ASPH: variants seen among roughly 807,000 people sequenced by gnomAD.
ASPH encodes the protein aspartate beta-hydroxylase.
Under a neutral mutation model 118.4 loss-of-function variants are expected in ASPH, and 100 were observed. That is an observed-to-expected ratio of 0.84 (90% confidence interval 0.72 to 1.00). The LOEUF (loss-of-function observed/expected upper bound fraction) is 1.00. Among genes scored for constraint, ASPH ranks in the 50% least tolerant of loss-of-function variants. ASPH has a pLI of 0.00. For synonymous variants in ASPH, 315 were observed against 325.6 expected, an observed-to-expected ratio of 0.97 and a Z score of 0.35; for missense variants, 920 against 919.5, an observed-to-expected ratio of 1.00 and a Z score of -0.01.
At chr8:61,659,827 G>A (rs1163284211) in intron 3 of ASPH, 1 of 152,150 alleles carries the variant, frequency 6.6e-6, no homozygotes, top group Non-Finnish European at 1.5e-5. Context: ...AAAATGGAGA[G>A]AGCTTAACAA....
chr8:61,578,362 G>A, intron 15 of ASPH: 3 of 1,606,916 alleles, frequency 1.9e-6, no homozygotes, highest in Non-Finnish European at 2.6e-6. Flanking sequence ...AGCTTTCGGG[G>A]TGGCCTGGGA....
chr8:61,666,686 T>G (rs144924221), intron 3 of ASPH, among the ~76,000 whole-genome samples: 2 of 152,294 alleles, frequency 1.3e-5, no homozygotes, highest in Admixed American at 1.3e-4. Flanking sequence ...ACATAGGGTT[T>G]CTCCATTAAC....
At chr8:61,672,628 T>A (rs140042519) in intron 3 of ASPH, among the ~76,000 whole-genome samples, 22 of 152,204 alleles carry the variant, frequency 1.4e-4, no homozygotes, top group Non-Finnish European at 2.6e-4. Flanking sequence ...GAATATCACA[T>A]GCAAGGCTTA....
At chr8:61,507,818 C>T (rs550500799) in intron 24 of ASPH, among the ~76,000 whole-genome samples, 5 of 152,166 alleles carry the variant, frequency 3.3e-5, no homozygotes, top group East Asian at 3.9e-4. Flanking sequence ...ACTCGAATTA[C>T]GACATACAAT....
intron 5 of ASPH, among the ~76,000 whole-genome samples, chr8:61,647,145 T>G (rs1808438218): frequency 6.6e-6 from 1 of 152,218 alleles, no homozygotes; most frequent in South Asian, 2.1e-4. Context: ...CCATTATATA[T>G]TCCCAGTCAC....
chr8:61,564,604 T>C (rs1479358967), intron 17 of ASPH, among the ~76,000 whole-genome samples: 2 of 152,208 alleles, frequency 1.3e-5, no homozygotes, highest in East Asian at 1.9e-4. Flanking sequence ...CGGGCAGTAA[T>C]GCTGATTCTG....
chr8:61,601,677 A>G (rs930569545), intron 14 of ASPH, among the ~76,000 whole-genome samples: 2 of 151,388 alleles, frequency 1.3e-5, no homozygotes, highest in African/African-American at 4.9e-5. Flanking sequence ...CCAGAGGAAG[A>G]TAATAAAAAT....
intron 16 of ASPH, among the ~76,000 whole-genome samples, 190 bp from the exon 17 acceptor site, chr8:61,567,508 CAAGGTAAAGTTTGTTACT>C (rs1019403737): frequency 1.2e-4 from 19 of 152,144 alleles, no homozygotes; most frequent in Non-Finnish European, 2.8e-4. Flanking sequence ...TTTAATAATA[CAAGGTAAAGTTTGTTACT>C]AAAGACAAGA....
chr8:61,578,814 G>C (rs1836294471), intron 15 of ASPH: 1 of 1,610,172 alleles, frequency 6.2e-7, no homozygotes, highest in Admixed American at 1.7e-5. Flanking sequence ...CATCAAGAAG[G>C]ATGTGGATGA....
At chr8:61,567,340 G>T (rs767488887) in intron 16 of ASPH, 22 bp from the exon 17 acceptor site, 2 of 1,599,546 alleles carry the variant, frequency 1.3e-6, no homozygotes, top group Non-Finnish European at 1.7e-6. Context: ...CCCCAGACTG[G>T]ATAAATGTCC....
chr8:61,668,351 T>C (rs571134513), intron 3 of ASPH: 1 of 1,220,068 alleles, frequency 8.2e-7, no homozygotes, highest in South Asian at 1.3e-5. Context: ...GTCTATTAAA[T>C]AGGTAAAATC....
chr8:61,639,362 T>A (rs1050377126), intron 10 of ASPH, among the ~76,000 whole-genome samples: 4 of 152,018 alleles, frequency 2.6e-5, no homozygotes, highest in African/African-American at 9.7e-5. Flanking sequence ...CCTGACCCCA[T>A]CCCTGAAAAG....
At chr8:61,649,284 T>G (rs1444754373) in intron 5 of ASPH, among the ~76,000 whole-genome samples, 1 of 152,134 alleles carries the variant, frequency 6.6e-6, no homozygotes, top group Non-Finnish European at 1.5e-5. Flanking sequence ...AGTTTTCAAG[T>G]TAAGCAAGTA....
chr8:61,662,792 A>G (rs1817590078), intron 3 of ASPH: 1 of 952,492 alleles, frequency 1.0e-6, no homozygotes, highest in Non-Finnish European at 1.3e-6. Context: ...GCTAACAGTC[A>G]AAGGAAAAAT....
At chr8:61,664,471 T>A in intron 3 of ASPH, 12 of 984,642 alleles carry the variant, frequency 1.2e-5, no homozygotes, top group Non-Finnish European at 1.4e-5. Flanking sequence ...CCTTTATTCA[T>A]GGCTATGGCC....
In ASPH at chr8:61,714,541, C is replaced by A; in HGVS notation, c.-170G>T. On this transcript the variant is annotated 5_prime_UTR_variant, in exon 1 of 25. Coordinates refer to ENST00000379454, the MANE Select transcript of ASPH (RefSeq NM_004318.4). Reference sequence around the variant, plus strand: ...CCGCCTGCAGCACCTGGGAAGACTTCACCCGCCTGCCGGCTGCGCGCGCCC... The same window carrying A: ...CCGCCTGCAGCACCTGGGAAGACTTAACCCGCCTGCCGGCTGCGCGCGCCC... 9.7e-7 allele frequency: 1 copy of A among 1,035,364 alleles called. No homozygotes were observed. The highest frequency in any genetic ancestry group is 1.3e-6 in the Non-Finnish European group (1 of 796,358). 64.1% of individuals were successfully genotyped at this position (1,035,364 alleles called of 1,614,324 possible).
chr8:61,604,736 A>G (rs1845075693), intron 14 of ASPH, among the ~76,000 whole-genome samples: 2 of 152,216 alleles, frequency 1.3e-5, no homozygotes, highest in Admixed American at 1.3e-4. Flanking sequence ...AAACTTGCAC[A>G]CTGGGAATGA....
chr8:61,537,245 T>G (rs1819973007), intron 21 of ASPH, among the ~76,000 whole-genome samples: 2 of 152,192 alleles, frequency 1.3e-5, no homozygotes, highest in Non-Finnish European at 2.9e-5. Flanking sequence ...CTAAGGGACA[T>G]CCTGAGTGAT....
At chr8:61,702,931 G>A (rs913003714) in intron 1 of ASPH, among the ~76,000 whole-genome samples, 1 of 150,822 alleles carries the variant, frequency 6.6e-6, no homozygotes, top group Admixed American at 6.6e-5. Context: ...AAGAGGAGAA[G>A]GAGAAGCAGG....
Sources: gnomAD v4.1 joint callset for allele counts (sites outside exome capture counted in the v4.1 genomes callset) on GRCh38, gnomAD v4.1.1 for gene constraint, MANE v1.5 for transcripts, NCBI Gene and HGNC (gene_info 2026-07-23, HGNC 2026-07-21) for gene names.